The following SLC29A3 variants were observed in gnomAD, a reference collection of about 807,000 sequenced individuals.
SLC29A3 encodes solute carrier family 29 member 3.
In SLC29A3, 18 loss-of-function variants were observed where a neutral mutation model predicts 25.4. The ratio of observed to expected loss-of-function variants is 0.71; its 90% CI spans 0.49 to 1.05. The LOEUF (loss-of-function observed/expected upper bound fraction) is 1.05, where lower values mean the gene tolerates loss of function less well. Ranked by LOEUF, SLC29A3 falls within the 50% of genes least tolerant of loss-of-function variation. The probability of loss-of-function intolerance (pLI) is 0.00; values close to 1 mark genes in which losing one functional copy is unlikely to be tolerated. For synonymous variants in SLC29A3, 258 were observed against 267.1 expected (o/e 0.97, Z 0.33); for missense variants, 586 against 609.0 (o/e 0.96, Z 0.40).
chr10:71,377,462 G>C (rs1053353195), intron 4 of SLC29A3, among the ~76,000 whole-genome samples: 2 of 151,620 alleles, frequency 1.3e-5, no homozygotes, highest in Non-Finnish European at 2.9e-5. Flanking sequence ...AACAGCCACC[G>C]GCCACGAAAT....
At chr10:71,377,247 C>G (rs1053320233) in intron 4 of SLC29A3, among the ~76,000 whole-genome samples, 29 of 152,344 alleles carry the variant, frequency 1.9e-4, no homozygotes, top group African/African-American at 7.0e-4. Context: ...ATGCTCTAAG[C>G]TGCCGCTCCA....
intron 3 of SLC29A3, among the ~76,000 whole-genome samples, chr10:71,374,804 A>G (rs1344058445): frequency 6.6e-6 from 1 of 152,194 alleles, no homozygotes; most frequent in Non-Finnish European, 1.5e-5. Flanking sequence ...ACCCTCTTCC[A>G]ACATCCCCTT....
intron 3 of SLC29A3, among the ~76,000 whole-genome samples, chr10:71,347,112 C>T (rs1026906775): frequency 3.3e-5 from 5 of 152,146 alleles, no homozygotes; most frequent in Non-Finnish European, 7.4e-5. Context: ...TGGTCTGGGG[C>T]TAAGCTGTTT....
intron 3 of SLC29A3, among the ~76,000 whole-genome samples, chr10:71,350,560 C>T (rs1013884117): frequency 6.6e-6 from 1 of 152,154 alleles, no homozygotes; most frequent in Non-Finnish European, 1.5e-5. Context: ...CAGATAGAAT[C>T]CTTCCCTGCT....
In SLC29A3 at chr10:71,357,609, C is replaced by T. The variant is rs563946816; in HGVS notation, c.773+1366C>T. 2.6e-5 allele frequency among the ~76,000 whole-genome samples: 4 copies of T among 152,286 alleles called. No individual in the cohort carries two copies. In the South Asian group the frequency reaches 8.3e-4, roughly 32 times the overall value. On this transcript the variant is annotated intron_variant, in intron 5 of 5. Coordinates refer to ENST00000373189, the MANE Select transcript of SLC29A3 (RefSeq NM_018344.6). ...AGAGCCAGTAGGCAGTAGAGCCAGGCAGGATTTTAAGATGACTCCAAACCT... is the reference window on the plus strand; with the variant it reads ...AGAGCCAGTAGGCAGTAGAGCCAGGTAGGATTTTAAGATGACTCCAAACCT...
In SLC29A3 at chr10:71,351,554, C is replaced by A. The variant is rs1211435129; in HGVS notation, c.384-8C>A. The A allele has an allele frequency of 1.2e-6, 2 of 1,613,272 alleles. No individual in the cohort carries two copies. The highest frequency in any genetic ancestry group is 8.5e-7 in the Non-Finnish European group (1 of 1,179,320). ...GGTGTCTAACTGCTTCTGGCATCCT[C>A]GCCCCAGGGTTGCAGTCCACATCCG... is the stretch of plus-strand genomic sequence containing the variant. On this transcript the variant is annotated splice_polypyrimidine_tract_variant and splice_region_variant and intron_variant, in intron 3 of 5. Transcript: ENST00000373189.
chr10:71,373,747 G>A (rs7921796), intron 3 of SLC29A3, among the ~76,000 whole-genome samples: 4,083 of 152,250 alleles, frequency 0.027, 185 homozygotes, highest in African/African-American at 0.091. Context: ...CTGGGTACGT[G>A]GGACACTTGA....
chr10:71,345,368 CTT>C (rs1423954282), intron 3 of SLC29A3, among the ~76,000 whole-genome samples: 1 of 152,198 alleles, frequency 6.6e-6, no homozygotes, highest in Non-Finnish European at 1.5e-5. Context: ...CTCTCTCTCT[CTT>C]CTCTCTTTGT....
chr10:71,331,565 G>A (rs1345298248), intron 2 of SLC29A3, among the ~76,000 whole-genome samples: 1 of 152,164 alleles, frequency 6.6e-6, no homozygotes, highest in Non-Finnish European at 1.5e-5. Context: ...ACAGAGAAGG[G>A]TTCCAGAAAA....
At chr10:71,359,732 G>A (rs780655) in intron 5 of SLC29A3, among the ~76,000 whole-genome samples, 135,965 of 152,204 alleles carry the variant, frequency 0.89, 61,304 homozygotes, top group African/African-American at 0.97. Context: ...CAGGCCCAGA[G>A]AGGGGTGTGC....
At chr10:71,335,796 A>G (rs1387347270) in intron 2 of SLC29A3, among the ~76,000 whole-genome samples, 1 of 152,070 alleles carries the variant, frequency 6.6e-6, no homozygotes, top group African/African-American at 2.4e-5. Flanking sequence ...GTTCTGGATG[A>G]AGAGACGGAT....
At chr10:71,329,892 G>A (rs902514827) in intron 2 of SLC29A3, among the ~76,000 whole-genome samples, 1 of 152,238 alleles carries the variant, frequency 6.6e-6, no homozygotes, top group Non-Finnish European at 1.5e-5. Context: ...CATGCAAGTC[G>A]AGTTGTCAAA....
In SLC29A3 at chr10:71,351,543, T is replaced by C; in HGVS notation, c.384-19T>C. On this transcript the variant is annotated intron_variant, in intron 3 of 5. Transcript: ENST00000373189. Reference sequence around the variant, plus strand: ...AGCCCCGAAGGGGTGTCTAACTGCTTCTGGCATCCTCGCCCCAGGGTTGCA... The same window carrying C: ...AGCCCCGAAGGGGTGTCTAACTGCTCCTGGCATCCTCGCCCCAGGGTTGCA... 1.2e-6 allele frequency: 2 copies of C among 1,612,868 alleles called. No individual in the cohort carries two copies.
At chr10:71,361,514 G>A (rs1035666564) in intron 5 of SLC29A3, among the ~76,000 whole-genome samples, 2 of 152,208 alleles carry the variant, frequency 1.3e-5, no homozygotes, top group Admixed American at 1.3e-4. Flanking sequence ...GTGGGAAGAG[G>A]TCAGAGTCCC....
intron 2 of SLC29A3, among the ~76,000 whole-genome samples, chr10:71,327,479 T>TC: frequency 1.3e-5 from 2 of 152,302 alleles, no homozygotes; most frequent in South Asian, 4.1e-4. Flanking sequence ...GGGCCCACCA[T>TC]CCTGGCAGGG....
rs1845879763 is a variant in SLC29A3, at chr10:71,322,802, C to G, written c.48C>G (p.Thr16=). The part of the protein sequence containing the change: ...EDDFQHSSNS[T]YRTTSSSLRA... The stretch of plus-strand genomic sequence containing the variant: ...ACTTTCAGCACAGTTCAAACTCCAC[C>G]TACAGAACCACAAGCAGCAGTCTCC... Residue 16 remains threonine, a synonymous_variant, in exon 2 of 6, where the codon ACC becomes ACG. Transcript: ENST00000373189. 6.2e-7 allele frequency: 1 copy of G among 1,614,048 alleles called. No individual in the cohort carries two copies. The highest frequency in any genetic ancestry group is 1.1e-5 in the South Asian group (1 of 91,084).
chr10:71,350,315 G>T lies in SLC29A3; in HGVS notation c.384-1247G>T, dbSNP rs961867343. Among the ~76,000 whole-genome samples the T allele has an allele frequency of 1.0e-3, 4 of 3,996 alleles. No individual in the cohort carries two copies. In the East Asian group the frequency reaches 0.024, roughly 24 times the overall value. 2.6% of individuals were successfully genotyped at this position (3,996 alleles called of 152,430 possible). ...TTCTTGCTCATCATTTCACACCTAC[G>T]TGTGTGTGTGTGTGTGTGTGTGTGT... On this transcript the variant is annotated intron_variant, in intron 3 of 5. Transcript: ENST00000373189.
intron 2 of SLC29A3, among the ~76,000 whole-genome samples, chr10:71,325,130 A>G (rs1845936954): frequency 6.6e-6 from 1 of 152,120 alleles, no homozygotes; most frequent in Non-Finnish European, 1.5e-5. Context: ...CCCCAGCCGC[A>G]CCTTCCAGTG....
chr10:71,380,176 CGG>C (rs1847291884), exon 5 of SLC29A3: 1 of 152,200 alleles, frequency 6.6e-6, no homozygotes, highest in Non-Finnish European at 1.5e-5. Context: ...CCTCACCCCA[CGG>C]CTTTTACACT....
Sources: gnomAD v4.1 joint callset for allele counts (sites outside exome capture counted in the v4.1 genomes callset) on GRCh38, gnomAD v4.1.1 for gene constraint, MANE v1.5 for transcripts, NCBI Gene and HGNC (gene_info 2026-07-23, HGNC 2026-07-21) for gene names.